GSDMD: variants seen among roughly 807,000 people sequenced by gnomAD.
The protein encoded by GSDMD is gasdermin D.
Under a neutral mutation model 46.7 loss-of-function variants are expected in GSDMD, and 46 were observed. That is an observed-to-expected ratio of 0.99 (90% CI 0.78 to 1.26). The LOEUF (loss-of-function observed/expected upper bound fraction) is 1.26. Ranked by LOEUF, GSDMD falls within the 50% of genes most tolerant of loss-of-function variation. The pLI, the probability that GSDMD is intolerant of heterozygous loss-of-function variation, is 0.00. For synonymous variants in GSDMD, 307 were observed against 283.1 expected (o/e 1.08, Z -0.85); for missense variants, 649 against 638.8 (o/e 1.02, Z -0.17).
At chr8:143,559,290 C>T (rs759387730) in intron 1 of GSDMD, 42 bp from the exon 2 acceptor site, 4 of 723,848 alleles carry the variant, frequency 5.5e-6, no homozygotes, top group Non-Finnish European at 7.3e-6. Flanking sequence ...TCCCTCCCGC[C>T]CGCCCCGAGA....
chr8:143,561,712 C>T, intron 6 of GSDMD, 30 bp from the exon 7 acceptor site: 1 of 1,566,372 alleles, frequency 6.4e-7, no homozygotes, highest in Non-Finnish European at 8.7e-7. Context: ...CCGGCACTGA[C>T]CAGCCCTGCC....
chr8:143,560,466 G>A, intron 3 of GSDMD, 137 bp from the exon 4 acceptor site: 3 of 891,538 alleles, frequency 3.4e-6, no homozygotes, highest in Non-Finnish European at 5.1e-6. Flanking sequence ...ACACGGAGAG[G>A]CTGCCGGTGC....
At chr8:143,554,701 C>T (rs1823270970), upstream of GSDMD, among the ~76,000 whole-genome samples, 1 of 150,432 alleles carries the variant, frequency 6.6e-6, no homozygotes, top group African/African-American at 2.5e-5. Context: ...GTGCAAGCAC[C>T]CGCATACAAA....
rs1159777517 is a variant in GSDMD, at chr8:143,560,984, C to A, written c.580-18C>A. 4 of 1,608,166 alleles carry A rather than the reference C, an allele frequency of 2.5e-6. No homozygotes were observed. The Admixed American group carries it at 6.7e-5, about 27-fold the overall frequency. The stretch of plus-strand genomic sequence containing the variant: ...CCCGGTGCCAGGGCCCAGCCCCGAG[C>A]CCATCTCCATGCCTCAGGGTGAGGG... On this transcript the variant is annotated intron_variant, in intron 4 of 10. Coordinates refer to ENST00000262580, the MANE Select transcript of GSDMD (RefSeq NM_024736.7).
In GSDMD at chr8:143,562,015, G is replaced by T. The variant is rs766368883; in HGVS notation, c.880G>T (p.Val294Leu). 3 of 1,604,540 alleles carry T rather than the reference G, an allele frequency of 1.9e-6. No individual in the cohort carries two copies. Among genetic ancestry groups the T allele is most frequent in the Non-Finnish European group, 2.5e-6 (3 of 1,178,556 alleles). ...AGACTTCCAGGGCCTACGGGCAGAG[G>T]TGGAGACCATCTCCAAGGAACTGGA... ...TEDFQGLRAEVETISKELELL... is the reference protein window; with the variant it reads ...TEDFQGLRAELETISKELELL... Residue 294 changes from valine (V) to leucine (L), a missense_variant, in exon 8 of 11, where the codon GTG (valine) becomes TTG (leucine). Transcript: ENST00000262580.
At chr8:143,557,663 A>G (rs570502778), upstream of GSDMD, among the ~76,000 whole-genome samples, 3 of 152,328 alleles carry the variant, frequency 2.0e-5, no homozygotes, top group South Asian at 4.1e-4. Flanking sequence ...TGACATTCCC[A>G]CCAGCATTGC....
Position 143,561,134 on chromosome 8 carries a change from C to T in GSDMD, c.682+30C>T, listed in dbSNP as rs762767378. The T allele has an allele frequency of 5.1e-5, 82 of 1,592,490 alleles. 1 individual carries two copies. The South Asian group carries it at 9.0e-4, about 17-fold the overall frequency. ...GCTGGAGTTGGGGGTGTCTCGGGCC[C>T]AGGCCCTGGCAGAGAAACAGGGAGG... On this transcript the variant is annotated intron_variant, in intron 5 of 10. Coordinates refer to ENST00000262580, the MANE Select transcript of GSDMD (RefSeq NM_024736.7).
At chr8:143,561,710 G>T in intron 6 of GSDMD, 32 bp from the exon 7 acceptor site, 1 of 1,567,180 alleles carries the variant, frequency 6.4e-7, no homozygotes, top group South Asian at 1.1e-5. Context: ...CCCCGGCACT[G>T]ACCAGCCCTG....
chr8:143,558,322 C>G (rs1190473975), upstream of GSDMD: 2 of 1,521,818 alleles, frequency 1.3e-6, no homozygotes, highest in Non-Finnish European at 1.8e-6. Flanking sequence ...GGGAGGGCGT[C>G]CTGGGCGGGC....
intron 10 of GSDMD, 57 bp downstream of exon 10, chr8:143,562,578 T>C: frequency 6.3e-7 from 1 of 1,596,262 alleles, no homozygotes; most frequent in Non-Finnish European, 8.5e-7. Context: ...GAAGGGGCCC[T>C]GTGGCACCTG....
upstream of GSDMD, among the ~76,000 whole-genome samples, chr8:143,554,203 A>T (rs533917966): frequency 6.6e-6 from 1 of 152,390 alleles, no homozygotes; most frequent in African/African-American, 2.4e-5. Context: ...GCGCACCGTG[A>T]CCTGCACATG....
In GSDMD at chr8:143,561,958, G is replaced by A. The variant is rs199817068; in HGVS notation, c.824-1G>A. On this transcript the variant is annotated splice_acceptor_variant, in intron 7 of 10. Coordinates refer to ENST00000262580, the MANE Select transcript of GSDMD (RefSeq NM_024736.7). LOFTEE classifies it high-confidence loss of function. The stretch of plus-strand genomic sequence containing the variant: ...CAGTGCCAGCCCTTCTGTCCCTACA[G>A]ATGGGGTCCCTGCGGAGGGGGCGTT... 5.6e-6 allele frequency: 9 copies of A among 1,609,146 alleles called. No homozygotes were observed. The highest frequency in any genetic ancestry group is 7.6e-6 in the Non-Finnish European group (9 of 1,178,204).
chr8:143,562,514 T>A lies in GSDMD; in HGVS notation c.1205T>A (p.Leu402His). ...ALESQTLLGP[L>H]ELVGSLLEQS... Reference sequence around the variant, plus strand: ...GAGTCGCAGACCCTGTTGGGGCCGCTCGAGCTGGTGAGAGGGTTGGGTTCG... The same window carrying A: ...GAGTCGCAGACCCTGTTGGGGCCGCACGAGCTGGTGAGAGGGTTGGGTTCG... Residue 402 changes from leucine to histidine, a missense_variant, in exon 10 of 11, where the codon CTC (leucine) becomes CAC (histidine). Leu to His is a moderately conservative substitution (Grantham distance 99). Coordinates refer to ENST00000262580, the MANE Select transcript of GSDMD (RefSeq NM_024736.7). 6.2e-7 allele frequency: 1 copy of A among 1,606,974 alleles called. No individual in the cohort carries two copies. Among genetic ancestry groups the A allele is most frequent in the Non-Finnish European group, 8.5e-7 (1 of 1,179,410 alleles).
chr8:143,558,580 G>C, intron 1 of GSDMD, 129 bp downstream of exon 1: 1 of 936,840 alleles, frequency 1.1e-6, no homozygotes, highest in East Asian at 3.2e-5. Flanking sequence ...CGCCGCACAC[G>C]GGGGCGGAAG....
chr8:143,562,901 C>T lies in GSDMD; in HGVS notation c.1452C>T (p.His484=). ...ALLSGLSQEP[H] ...TATCAGGACTGAGCCAGGAGCCCCA[C>T]TAGCCTGTGCCCGGGCATGGCCTGG... Residue 484 remains histidine (H), a synonymous_variant, in exon 11 of 11, where the codon CAC becomes CAT. Coordinates refer to ENST00000262580, the MANE Select transcript of GSDMD (RefSeq NM_024736.7). The T allele has an allele frequency of 1.9e-6, 3 of 1,612,044 alleles. No homozygotes were observed. Among genetic ancestry groups the T allele is most frequent in the South Asian group, 2.2e-5 (2 of 91,048 alleles).
intron 1 of GSDMD, 169 bp from the exon 2 acceptor site, chr8:143,559,163 G>T: frequency 1.7e-6 from 1 of 605,370 alleles, no homozygotes; most frequent in East Asian, 2.7e-5. Context: ...GTTGGGGAGG[G>T]CCGGGGACAG....
At chr8:143,558,856 T>C (rs1451979480) in intron 1 of GSDMD, 1 of 525,748 alleles carries the variant, frequency 1.9e-6, no homozygotes, top group Non-Finnish European at 3.6e-6. Flanking sequence ...AGCCTCAGCC[T>C]TGGACAGGTG....
chr8:143,562,449 G>T lies in GSDMD; in HGVS notation c.1140G>T (p.Met380Ile). Residue 380 changes from methionine (M) to isoleucine (I), a missense_variant and splice_region_variant, in exon 10 of 11, where the codon ATG (methionine) becomes ATT (isoleucine). Physicochemically the swap from Met to Ile is conservative, Grantham distance 10. Coordinates refer to ENST00000262580, the MANE Select transcript of GSDMD (RefSeq NM_024736.7). ...CCCTTTTACCTGACTCTCTCCCAGT[G>T]CTGAGTGAAACGCAGCACAAGCTGC... Reference protein sequence around the residue: ...PVVYLLGALTMLSETQHKLLA... With the variant: ...PVVYLLGALTILSETQHKLLA... 2 of 1,608,170 alleles carry T rather than the reference G, an allele frequency of 1.2e-6. No individual in the cohort carries two copies. The highest frequency in any genetic ancestry group is 1.7e-4 in the Middle Eastern group (1 of 5,922).
chr8:143,560,415 G>A (rs567323460), intron 3 of GSDMD, 188 bp from the exon 4 acceptor site: 7 of 642,790 alleles, frequency 1.1e-5, no homozygotes, highest in South Asian at 3.8e-5. Context: ...TGGAGTCCCC[G>A]AGTCCACCTT....
Sources: gnomAD v4.1 joint callset for allele counts (sites outside exome capture counted in the v4.1 genomes callset) on GRCh38, gnomAD v4.1.1 for gene constraint, MANE v1.5 for transcripts, NCBI Gene and HGNC (gene_info 2026-07-23, HGNC 2026-07-21) for gene names.